The following SP3 variants were observed in gnomAD, a reference collection of about 807,000 sequenced individuals.
SP3 encodes the protein Sp3 transcription factor.
In SP3, 10 loss-of-function variants were observed where a neutral mutation model predicts 70.3. The ratio of observed to expected loss-of-function variants is 0.14; its 90% confidence interval spans 0.09 to 0.24. The LOEUF is 0.24. Ranked by LOEUF, SP3 falls within the 10% of genes least tolerant of loss-of-function variation. SP3 has a pLI of 1.00. For synonymous variants in SP3, 402 were observed against 333.5 expected (o/e 1.21, Z -2.24); for missense variants, 825 against 914.6 (o/e 0.90, Z 1.26).
At chr2:173,944,354 C>A (rs1690471961) in intron 4 of SP3, among the ~76,000 whole-genome samples, 1 of 152,010 alleles carries the variant, frequency 6.6e-6, no homozygotes. Context: ...GGCAACATGG[C>A]AAAACCCCAT....
chr2:173,919,327 A>C (rs985626290), intron 4 of SP3, among the ~76,000 whole-genome samples: 17 of 152,220 alleles, frequency 1.1e-4, no homozygotes, highest in African/African-American at 4.1e-4. Flanking sequence ...TATACTTTCA[A>C]ATTCTCACCA....
intron 4 of SP3, among the ~76,000 whole-genome samples, chr2:173,934,911 G>A (rs1456245684): frequency 6.6e-6 from 1 of 152,118 alleles, no homozygotes; most frequent in Non-Finnish European, 1.5e-5. Flanking sequence ...ATGAATGGCT[G>A]AATTACATGA....
intron 4 of SP3, among the ~76,000 whole-genome samples, chr2:173,929,744 A>G (rs1690019772): frequency 6.6e-6 from 1 of 152,146 alleles, no homozygotes; most frequent in Non-Finnish European, 1.5e-5. Flanking sequence ...TAACGCTACA[A>G]GTGAAGTGAG....
In SP3 at chr2:173,931,713, A is replaced by C. The variant is rs186528112; in HGVS notation, c.1640-12928T>G. Among the ~76,000 whole-genome samples, 5 of 152,316 alleles carry C rather than the reference A, an allele frequency of 3.3e-5. No individual in the cohort carries two copies. The East Asian group carries it at 9.6e-4, about 29-fold the overall frequency. ...TTCCGGATAACTTCTTGCAGCTTCT[A>C]CATCAGCACTTGCAGCCTTGTCTTT... On this transcript the variant is annotated intron_variant, in intron 4 of 6. Transcript: ENST00000310015.
chr2:173,962,728 G>A (rs1019945120), intron 3 of SP3, among the ~76,000 whole-genome samples: 4 of 151,696 alleles, frequency 2.6e-5, no homozygotes, highest in African/African-American at 9.7e-5. Flanking sequence ...AGTGACTATT[G>A]AAAGTATCAC....
chr2:173,929,680 C>T (rs1235123292), intron 4 of SP3, among the ~76,000 whole-genome samples: 2 of 152,186 alleles, frequency 1.3e-5, no homozygotes, highest in Non-Finnish European at 2.9e-5. Flanking sequence ...GTCTGCTGTT[C>T]TCTGTGCCTC....
chr2:173,964,802 CT>C (rs1432662206), intron 1 of SP3: 2 of 468,548 alleles, frequency 4.3e-6, no homozygotes, highest in Non-Finnish European at 7.4e-6. Context: ...CGCGCTGCCC[CT>C]GCCCCCTCTC....
At chr2:173,964,357 G>A (rs1691205376) in intron 2 of SP3, 48 bp downstream of exon 2, 1 of 656,326 alleles carries the variant, frequency 1.5e-6, no homozygotes. Flanking sequence ...GAGGGGAGGA[G>A]AAAGCGGCGC....
rs927639953 is a variant in SP3 at position 173,903,675 on chromosome 2, A to T, written c.*6266T>A. Among the ~76,000 whole-genome samples, 3 of 152,204 alleles carry T rather than the reference A, an allele frequency of 2.0e-5. No individual in the cohort carries two copies. Among genetic ancestry groups the T allele is most frequent in the African/African-American group, 7.2e-5 (3 of 41,458 alleles). ...GTGACTTGGTGTGACATAGAAACAC[A>T]GGCTAATGCTGGCAGAAAGTCAGTA... On this transcript the variant is annotated 3_prime_UTR_variant, in exon 7 of 7. Transcript: ENST00000310015.
chr2:173,945,885 C>T (rs1574417567), intron 4 of SP3, among the ~76,000 whole-genome samples: 1 of 152,028 alleles, frequency 6.6e-6, no homozygotes, highest in Non-Finnish European at 1.5e-5. Flanking sequence ...CAGCACTTTA[C>T]GAGGCTGATG....
Position 173,955,616 on chromosome 2 carries a change from G to T in SP3, c.896C>A (p.Thr299Lys), listed in dbSNP as rs1177587335. The T allele has an allele frequency of 6.2e-7, 1 of 1,614,158 alleles. No homozygotes were observed. Among genetic ancestry groups the T allele is most frequent in the Non-Finnish European group, 8.5e-7 (1 of 1,180,030 alleles). The part of the protein sequence containing the change: ...GINADGHLIN[T>K]GQAMDSSDNS... ...GTCTGAACTATCCATAGCTTGTCCT[G>T]TGTTTATCAAATGTCCGTCGGCATT... The change falls in exon 4 of 7, where the codon ACA (threonine) becomes AAA (lysine). Residue 299 changes from threonine to lysine, a missense_variant. Physicochemically the swap from Thr to Lys is moderately conservative, Grantham distance 78 (BLOSUM62 -1). Coordinates refer to ENST00000310015, the MANE Select transcript of SP3 (RefSeq NM_003111.5).
At chr2:173,936,071 A>G (rs997717330) in intron 4 of SP3, among the ~76,000 whole-genome samples, 1 of 152,072 alleles carries the variant, frequency 6.6e-6, no homozygotes, top group African/African-American at 2.4e-5. Flanking sequence ...TCTGTCACCC[A>G]GGCTGGAGAG....
intron 4 of SP3, among the ~76,000 whole-genome samples, chr2:173,941,035 C>G (rs551214083): frequency 5.7e-4 from 86 of 150,594 alleles, no homozygotes; most frequent in African/African-American, 2.0e-3. Flanking sequence ...TCTCCTCTAT[C>G]ATTAATTTGT....
In SP3 at chr2:173,956,179, A is replaced by T. The variant is rs780129621; in HGVS notation, c.333T>A (p.Val111=). The stretch of plus-strand genomic sequence containing the variant: ...TTATAGTTGTAGGTGTGGCTGACAA[A>T]ACCTCCCATCGGTTTGGTGCTCCTC... ...QLGGAPNRWE[V]LSATPTTIKD... is the part of the protein sequence containing the mutation. Residue 111 remains valine, a synonymous_variant, in exon 4 of 7, where the codon GTT becomes GTA. Transcript: ENST00000310015. 8 of 1,613,978 alleles carry T rather than the reference A, an allele frequency of 5.0e-6. No individual in the cohort carries two copies. The Admixed American group carries it at 1.3e-4, about 27-fold the overall frequency.
intron 4 of SP3, among the ~76,000 whole-genome samples, chr2:173,931,112 ACATT>A (rs1240402433): frequency 1.3e-5 from 2 of 152,222 alleles, no homozygotes; most frequent in Non-Finnish European, 2.9e-5. Flanking sequence ...AACAAAAAGT[ACATT>A]AATTTAAAAA....
rs1266498353 is a variant in SP3, at chr2:173,903,335, GGAAAGGTAAAGAGT to G, written c.*6592_*6605del. On this transcript the variant is annotated 3_prime_UTR_variant, in exon 7 of 7. Coordinates refer to ENST00000310015, the MANE Select transcript of SP3 (RefSeq NM_003111.5). ...TATAGTTAGAGAACAGGCTAAGAGT[GGAAAGGTAAAGAGT>G]GAAAGGTCACATAGGTGGTAAGCGG... Among the ~76,000 whole-genome samples, 8 of 152,306 alleles carry G rather than the reference GGAAAGGTAAAGAGT, an allele frequency of 5.3e-5. No homozygotes were observed. Among genetic ancestry groups the G allele is most frequent in the African/African-American group, 1.9e-4 (8 of 41,558 alleles).
chr2:173,907,000 T>G lies in SP3; in HGVS notation c.*2941A>C, dbSNP rs1172690659. The G allele has an allele frequency of 1.3e-5, 2 of 152,226 alleles. No individual in the cohort carries two copies. The highest frequency in any genetic ancestry group is 3.8e-4 in the East Asian group (2 of 5,202). The allele number at this position is 152,226 out of a possible 1,614,324, so 9.4% of individuals were successfully genotyped here. A position where few individuals can be genotyped will look rare whatever the true frequency, so the allele number is the denominator to read the frequency against. On this transcript the variant is annotated 3_prime_UTR_variant, in exon 7 of 7. Transcript: ENST00000310015. ...TTTTAAGTATCTTAAGCATTGCCAC[T>G]ATTTTGAAAGACCAAAGTTATTTAC...
chr2:173,939,763 T>TAAAAAAAAAAAA (rs1690308402), intron 4 of SP3, among the ~76,000 whole-genome samples: 1 of 4,770 alleles, frequency 2.1e-4, no homozygotes, highest in Non-Finnish European at 4.7e-4. Context: ...AGACTCCAAC[T>TAAAAAAAAAAAA]CAAAAAAAAA....
Position 173,955,686 on chromosome 2 carries a change from A to G in SP3, c.826T>C (p.Ser276Pro), listed in dbSNP as rs1276133840. 6.2e-7 allele frequency: 1 copy of G among 1,614,096 alleles called. No homozygotes were observed. The highest frequency in any genetic ancestry group is 8.5e-7 in the Non-Finnish European group (1 of 1,180,042). ...FVPINSVDLD[S>P]LGLSGSSQTM... Reference sequence around the variant, plus strand: ...TGAGAACTGCCCGAGAGTCCCAAAGAATCTAGATCGACACTATTGATTGGT... The same window carrying G: ...TGAGAACTGCCCGAGAGTCCCAAAGGATCTAGATCGACACTATTGATTGGT... The change falls in exon 4 of 7, where the codon TCT (serine) becomes CCT (proline). Residue 276 changes from serine (S) to proline (P), a missense_variant. Ser to Pro is a moderately conservative substitution (Grantham distance 74). Coordinates refer to ENST00000310015, the MANE Select transcript of SP3 (RefSeq NM_003111.5).
Sources: allele counts gnomAD v4.1 joint callset (sites outside exome capture counted in the v4.1 genomes callset), GRCh38; gene constraint gnomAD v4.1.1; transcripts MANE v1.5; gene names NCBI Gene and HGNC (gene_info 2026-07-23, HGNC 2026-07-21).